DDRGK1: variants seen among roughly 807,000 people sequenced by gnomAD.
The protein encoded by DDRGK1 is DDRGK domain containing 1.
Under a neutral mutation model 45.8 loss-of-function variants are expected in DDRGK1, and 38 were observed. That is an observed-to-expected ratio of 0.83 (90% CI 0.64 to 1.09). DDRGK1 has a LOEUF of 1.09. Ranked by LOEUF, DDRGK1 falls within the 50% of genes least tolerant of loss-of-function variation. DDRGK1 has a pLI of 0.00. For missense variants in DDRGK1, 403 were observed against 419.9 expected (o/e 0.96, Z 0.35); for synonymous variants, 171 against 168.7 (o/e 1.01, Z -0.11).
intron 2 of DDRGK1, 44 bp downstream of exon 2, chr20:3,203,169 C>A (rs528887476): frequency 1.2e-5 from 18 of 1,477,344 alleles, no homozygotes; most frequent in African/African-American, 1.4e-5. Flanking sequence ...TTTATCCCCC[C>A]CTCCAACCCA....
rs774319659 is a variant in DDRGK1 at position 3,194,860 on chromosome 20, G to A, written c.642C>T (p.Ser214=). ...GETMTEEQSQ[S]FLTEFINYIK... is the part of the protein sequence containing the mutation. Reference sequence around the variant, plus strand: ...TGTAGTTGATGAACTCTGTCAGGAAGCTCTGGGACTAGAGAAGCAGAGAAA... The same window carrying A: ...TGTAGTTGATGAACTCTGTCAGGAAACTCTGGGACTAGAGAAGCAGAGAAA... Residue 214 remains serine, a synonymous_variant, in exon 6 of 9, where the codon AGC becomes AGT. Transcript: ENST00000354488. 6.2e-7 allele frequency: 1 copy of A among 1,614,154 alleles called. No homozygotes were observed. The highest frequency in any genetic ancestry group is 8.5e-7 in the Non-Finnish European group (1 of 1,179,994).
At chr20:3,200,252 C>A in intron 3 of DDRGK1, 90 bp downstream of exon 3, 1 of 1,463,360 alleles carries the variant, frequency 6.8e-7, no homozygotes, top group Non-Finnish European at 9.3e-7. Flanking sequence ...ACCAGCCCAG[C>A]AGGCAACAAG....
intron 4 of DDRGK1, among the ~76,000 whole-genome samples, chr20:3,196,573 C>T (rs1347637869): frequency 3.3e-5 from 5 of 151,640 alleles, no homozygotes; most frequent in Non-Finnish European, 7.4e-5. Context: ...CCCAGCTACT[C>T]GGGAGGCTGA....
chr20:3,195,586 G>A (rs943638071), intron 4 of DDRGK1, among the ~76,000 whole-genome samples: 1 of 151,846 alleles, frequency 6.6e-6, no homozygotes, highest in Admixed American at 6.6e-5. Context: ...CCCTTCTCCC[G>A]CCCTCCGTGC....
rs1315196254 is a variant in DDRGK1, at chr20:3,190,713, G to A, written c.885C>T (p.Ala295=). The A allele has an allele frequency of 6.2e-7, 1 of 1,614,066 alleles. No homozygotes were observed. The highest frequency in any genetic ancestry group is 2.2e-5 in the East Asian group (1 of 44,878). Reference sequence around the variant, plus strand: ...AGGCGATGAGGGAGTTGCTGGCTTGGGCAAGCTCGGCGATGGACACCCGGC... The same window carrying A: ...AGGCGATGAGGGAGTTGCTGGCTTGAGCAAGCTCGGCGATGGACACCCGGC... ...QRGRVSIAEL[A]QASNSLIAWG... is the part of the protein sequence containing the mutation. The change falls in exon 9 of 9, where the codon GCC becomes GCT. Residue 295 remains alanine (A), a synonymous_variant. Transcript: ENST00000354488.
At chr20:3,200,317 G>A (rs775910275) in intron 3 of DDRGK1, 25 bp downstream of exon 3, 1 of 1,551,946 alleles carries the variant, frequency 6.4e-7, no homozygotes, top group Non-Finnish European at 8.7e-7. Flanking sequence ...ACTTCCCAGA[G>A]CTGCACCCCA....
intron 2 of DDRGK1, among the ~76,000 whole-genome samples, chr20:3,202,010 C>T (rs1267939372): frequency 1.1e-4 from 16 of 145,248 alleles, no homozygotes; most frequent in African/African-American, 3.6e-4. Flanking sequence ...GACGGAGTCT[C>T]GCTCTGTCGC....
chr20:3,202,532 C>T (rs2067044618), intron 2 of DDRGK1, among the ~76,000 whole-genome samples: 1 of 152,188 alleles, frequency 6.6e-6, no homozygotes, highest in Non-Finnish European at 1.5e-5. Flanking sequence ...TACCTCAGGG[C>T]CAGCTGCAAG....
intron 2 of DDRGK1, 67 bp from the exon 3 acceptor site, chr20:3,200,521 A>G: frequency 7.1e-7 from 1 of 1,408,098 alleles, no homozygotes; most frequent in Admixed American, 2.0e-5. Flanking sequence ...TGGATCCCCA[A>G]CCCCTCGTCC....
chr20:3,199,643 C>T (rs1450742405), intron 4 of DDRGK1, among the ~76,000 whole-genome samples: 2 of 152,228 alleles, frequency 1.3e-5, no homozygotes, highest in Non-Finnish European at 2.9e-5. Context: ...TAAGAACCAT[C>T]TCTTACAATG....
At chr20:3,203,102 CG>C in intron 2 of DDRGK1, 110 bp downstream of exon 2, 1 of 1,052,434 alleles carries the variant, frequency 9.5e-7, no homozygotes, top group Non-Finnish European at 1.3e-6. Context: ...GGCTCCCAGA[CG>C]TCCCTCCTAC....
At chr20:3,195,457 C>G in intron 4 of DDRGK1, 104 bp from the exon 5 acceptor site, 25 of 1,456,300 alleles carry the variant, frequency 1.7e-5, no homozygotes, top group Non-Finnish European at 2.3e-5. Flanking sequence ...ATAGCCCAGC[C>G]TTTTCTCAGA....
At chr20:3,194,322 T>C (rs2067000883) in intron 6 of DDRGK1, among the ~76,000 whole-genome samples, 1 of 152,224 alleles carries the variant, frequency 6.6e-6, no homozygotes, top group Non-Finnish European at 1.5e-5. Flanking sequence ...GATGTGCTTA[T>C]GCAACCTGGA....
intron 4 of DDRGK1, 32 bp from the exon 5 acceptor site, chr20:3,195,385 G>T: frequency 6.4e-7 from 1 of 1,567,300 alleles, no homozygotes; most frequent in Non-Finnish European, 8.6e-7. Context: ...GTCAGGTATC[G>T]GGGGCAGAAC....
chr20:3,196,664 G>C (rs1274641860), intron 4 of DDRGK1, among the ~76,000 whole-genome samples: 1 of 152,178 alleles, frequency 6.6e-6, no homozygotes, highest in African/African-American at 2.4e-5. Flanking sequence ...CTGGGGGACA[G>C]AGCGAGACTC....
At position 3,190,733 on chromosome 20, in the gene DDRGK1, C is replaced by G. The variant is rs760049574; in HGVS notation, c.865G>C (p.Val289Leu). Residue 289 changes from valine (V) to leucine (L), a missense_variant, in exon 9 of 9, where the codon GTG (valine) becomes CTG (leucine). Physicochemically the swap from Val to Leu is conservative, Grantham distance 32. Transcript: ENST00000354488. ...VANFIRQRGR[V>L]SIAELAQASN... ...GCTTGGGCAAGCTCGGCGATGGACA[C>G]CCGGCCCCGCTGTCGGATGAAGTTG... is the stretch of plus-strand genomic sequence containing the variant. The G allele has an allele frequency of 3.7e-6, 6 of 1,614,172 alleles. No individual in the cohort carries two copies. The highest frequency in any genetic ancestry group is 1.7e-4 in the Middle Eastern group (1 of 6,058).
In DDRGK1 at chr20:3,199,994, G is replaced by A; in HGVS notation, c.510+7C>T. ...GGGTCAGAGGTCAGGGTAGGGGCTG[G>A]CCTCACCTTCTGCTCCTCCTCCAGG... On this transcript the variant is annotated splice_region_variant and intron_variant, in intron 4 of 8. Transcript: ENST00000354488. 6.2e-7 allele frequency: 1 copy of A among 1,606,176 alleles called. No individual in the cohort carries two copies.
chr20:3,195,274 A>G lies in DDRGK1; in HGVS notation c.590T>C (p.Val197Ala), dbSNP rs774574921. ...EEYLKLKEAFVVEEEGVGETM... is the reference protein window; with the variant it reads ...EEYLKLKEAFAVEEEGVGETM... ...CTCTCCTACGCCTTCCTCCTCCACCACAAAGGCCTCCTTCAGTTTCAGGTA... is the reference window on the plus strand; with the variant it reads ...CTCTCCTACGCCTTCCTCCTCCACCGCAAAGGCCTCCTTCAGTTTCAGGTA... Residue 197 changes from valine (V) to alanine (A), a missense_variant, in exon 5 of 9, where the codon GTG (valine) becomes GCG (alanine). Val to Ala is a moderately conservative substitution (Grantham distance 64, BLOSUM62 0). Transcript: ENST00000354488. 6 of 1,613,818 alleles carry G rather than the reference A, an allele frequency of 3.7e-6. No individual in the cohort carries two copies. The highest frequency in any genetic ancestry group is 5.1e-6 in the Non-Finnish European group (6 of 1,179,862).
At chr20:3,196,468 G>T (rs192369908) in intron 4 of DDRGK1, among the ~76,000 whole-genome samples, 5,967 of 151,468 alleles carry the variant, frequency 0.039, 210 homozygotes, top group African/African-American at 0.097. Context: ...ACGAGGTCAG[G>T]AGATCGAGAC....
Sources: gnomAD v4.1 joint callset for allele counts (sites outside exome capture counted in the v4.1 genomes callset) on GRCh38, gnomAD v4.1.1 for gene constraint, MANE v1.5 for transcripts, NCBI Gene and HGNC (gene_info 2026-07-23, HGNC 2026-07-21) for gene names.